NRXN3: variants seen among roughly 807,000 people sequenced by gnomAD.
NRXN3 encodes the protein neurexin III.
In NRXN3, 32 loss-of-function variants were observed where a neutral mutation model predicts 137.6. The observed-to-expected ratio is 0.23, with a 90% confidence interval of 0.18 to 0.31. The LOEUF (loss-of-function observed/expected upper bound fraction) is 0.31, where lower values mean the gene tolerates loss of function less well. NRXN3 is among the 10% of genes least tolerant of loss of function. The pLI is 1.00. For missense variants in NRXN3, 1,574 were observed against 2,062.5 expected (o/e 0.76, Z 4.59); for synonymous variants, 798 against 784.5 (o/e 1.02, Z -0.29).
In NRXN3 at chr14:78,565,832, G is replaced by A. The variant is rs575146847; in HGVS notation, c.758-79288G>A. On this transcript the variant is annotated intron_variant, in intron 4 of 20. Transcript: ENST00000335750. Reference sequence around the variant, plus strand: ...GGGGATTCATCATGGCTGGAATTCTGGTTCTCAGATAGATGAAAGCTGGAA... The same window carrying A: ...GGGGATTCATCATGGCTGGAATTCTAGTTCTCAGATAGATGAAAGCTGGAA... Among the ~76,000 whole-genome samples the A allele has an allele frequency of 5.3e-5, 8 of 152,240 alleles. No homozygotes were observed. In the East Asian group the frequency reaches 1.2e-3, roughly 22 times the overall value.
chr14:79,854,108 A>G (rs2099397500), intron 20 of NRXN3: 6 of 981,434 alleles, frequency 6.1e-6, no homozygotes, highest in Non-Finnish European at 7.3e-6. Flanking sequence ...GACAACAAAA[A>G]AAGCAAGTTA....
At chr14:79,358,615 A>G (rs1264533267) in intron 15 of NRXN3, among the ~76,000 whole-genome samples, 2 of 130,750 alleles carry the variant, frequency 1.5e-5, no homozygotes, top group African/African-American at 3.0e-5. Flanking sequence ...AAGAGAAAGA[A>G]AGAAAGAAAG....
At chr14:79,579,359 TATATATATA>T (rs1007671943) in intron 16 of NRXN3, among the ~76,000 whole-genome samples, 1 of 146,950 alleles carries the variant, frequency 6.8e-6, no homozygotes, top group African/African-American at 2.5e-5. Context: ...CATATATATA[TATATATATA>T]ATATATATAT....
intron 15 of NRXN3, among the ~76,000 whole-genome samples, chr14:79,062,427 C>T (rs933293557): frequency 1.3e-5 from 2 of 152,108 alleles, no homozygotes; most frequent in African/African-American, 4.8e-5. Context: ...ACTCTTTTTC[C>T]AAATACAGCA....
chr14:79,295,722 A>G (rs1476713157), intron 15 of NRXN3, among the ~76,000 whole-genome samples: 1 of 152,154 alleles, frequency 6.6e-6, no homozygotes, highest in Admixed American at 6.6e-5. Flanking sequence ...AGGCCCTTTA[A>G]AAACATCAGT....
chr14:79,493,855 A>G (rs1163782827), intron 16 of NRXN3, among the ~76,000 whole-genome samples: 1 of 152,186 alleles, frequency 6.6e-6, no homozygotes, highest in East Asian at 1.9e-4. Context: ...CACAAGGTCT[A>G]TATTAACTTT....
intron 1 of NRXN3, among the ~76,000 whole-genome samples, chr14:78,226,116 G>C (rs188460092): frequency 6.6e-6 from 1 of 152,120 alleles, no homozygotes; most frequent in Admixed American, 6.5e-5. Flanking sequence ...CGATTCTCCT[G>C]CCTCAGCCTC....
chr14:79,204,638 C>A (rs2066534261), intron 15 of NRXN3, among the ~76,000 whole-genome samples: 1 of 152,136 alleles, frequency 6.6e-6, no homozygotes, highest in African/African-American at 2.4e-5. Context: ...ATCAATTAAA[C>A]ATTTGTGGGT....
At chr14:79,208,399 A>G (rs1357971140) in intron 15 of NRXN3, among the ~76,000 whole-genome samples, 4 of 152,138 alleles carry the variant, frequency 2.6e-5, no homozygotes, top group Non-Finnish European at 5.9e-5. Flanking sequence ...CTGTACCCCA[A>G]TTTTTTATTT....
chr14:78,208,779 G>A (rs1375730144), intron 1 of NRXN3, among the ~76,000 whole-genome samples: 2 of 152,200 alleles, frequency 1.3e-5, no homozygotes, highest in Non-Finnish European at 2.9e-5. Flanking sequence ...TGTGTGTACT[G>A]AGTGCCGGGT....
chr14:79,337,475 G>A (rs1202512394), intron 15 of NRXN3, among the ~76,000 whole-genome samples: 2 of 152,144 alleles, frequency 1.3e-5, no homozygotes, highest in Non-Finnish European at 2.9e-5. Flanking sequence ...GGAAAAGGAT[G>A]GCGATATATT....
chr14:79,627,122 G>A (rs1378716568), intron 16 of NRXN3, among the ~76,000 whole-genome samples: 2 of 152,162 alleles, frequency 1.3e-5, no homozygotes, highest in Admixed American at 1.3e-4. Flanking sequence ...GGCAATTTGT[G>A]ACTTTCTATA....
At chr14:79,268,076 C>T (rs1004990076) in intron 15 of NRXN3, among the ~76,000 whole-genome samples, 1 of 152,162 alleles carries the variant, frequency 6.6e-6, no homozygotes, top group Admixed American at 6.5e-5. Context: ...TAATGGTAAA[C>T]ACTTTTTCTA....
chr14:78,851,641 A>G (rs2152487630), intron 10 of NRXN3, among the ~76,000 whole-genome samples: 1 of 152,306 alleles, frequency 6.6e-6, no homozygotes, highest in South Asian at 2.1e-4. Context: ...AGACTCTACC[A>G]ATCTGATGAA....
At chr14:78,215,001 A>T (rs1460046731) in intron 1 of NRXN3, among the ~76,000 whole-genome samples, 2 of 152,248 alleles carry the variant, frequency 1.3e-5, no homozygotes, top group African/African-American at 2.4e-5. Flanking sequence ...GGGGGTGGTC[A>T]TGTGCATTTT....
At chr14:78,723,490 T>C (rs1039060190) in intron 8 of NRXN3, among the ~76,000 whole-genome samples, 1 of 152,190 alleles carries the variant, frequency 6.6e-6, no homozygotes, top group Admixed American at 6.5e-5. Flanking sequence ...GGGAGATTCT[T>C]AGGAGGAGTG....
chr14:79,445,721 T>C (rs1283273302), intron 15 of NRXN3, among the ~76,000 whole-genome samples: 1 of 152,154 alleles, frequency 6.6e-6, no homozygotes, highest in African/African-American at 2.4e-5. Flanking sequence ...GAGATGTTTA[T>C]GTGCTGGGAG....
At chr14:79,600,427 T>C (rs941706848) in intron 16 of NRXN3, among the ~76,000 whole-genome samples, 2 of 152,194 alleles carry the variant, frequency 1.3e-5, no homozygotes, top group Admixed American at 6.5e-5. Flanking sequence ...GGTCAGGGCC[T>C]GAAGGAGAAA....
chr14:78,759,134 G>T (rs1040872323), intron 8 of NRXN3, among the ~76,000 whole-genome samples: 3 of 152,272 alleles, frequency 2.0e-5, no homozygotes, highest in African/African-American at 7.2e-5. Context: ...AGGCACTTTA[G>T]GTTCAAAGGG....
Sources: gnomAD v4.1 joint callset for allele counts (sites outside exome capture counted in the v4.1 genomes callset) on GRCh38, gnomAD v4.1.1 for gene constraint, MANE v1.5 for transcripts, NCBI Gene and HGNC (gene_info 2026-07-23, HGNC 2026-07-21) for gene names.